ABCC1: variants seen among roughly 807,000 people sequenced by gnomAD.
The protein encoded by ABCC1 is multidrug resistance-associated protein 1.
In ABCC1, 83 loss-of-function variants were observed where a neutral mutation model predicts 172.9. That is an observed-to-expected ratio of 0.48 (90% CI 0.40 to 0.58). The LOEUF (loss-of-function observed/expected upper bound fraction) is 0.58, where lower values mean the gene tolerates loss of function less well. Among genes scored for constraint, ABCC1 ranks in the 20% least tolerant of loss-of-function variants. The pLI, the probability that ABCC1 is intolerant of heterozygous loss-of-function variation, is 0.00. For missense variants in ABCC1, 1,817 were observed against 2,002.7 expected (o/e 0.91, Z 1.77); for synonymous variants, 937 against 825.2 (o/e 1.14, Z -2.32).
At chr16:16,110,146 C>T (rs2052324893) in intron 21 of ABCC1, among the ~76,000 whole-genome samples, 1 of 151,692 alleles carries the variant, frequency 6.6e-6, no homozygotes, top group African/African-American at 2.4e-5. Flanking sequence ...CCCTCTGTCA[C>T]CCAGGCTGGT....
intron 5 of ABCC1, among the ~76,000 whole-genome samples, chr16:16,022,940 C>A (rs1269192666): frequency 6.6e-6 from 1 of 152,186 alleles, no homozygotes; most frequent in East Asian, 1.9e-4. Flanking sequence ...GAGATAGGGT[C>A]TCACTCTGTC....
At chr16:16,140,321 T>C (rs2046080012) in intron 30 of ABCC1, among the ~76,000 whole-genome samples, 1 of 152,154 alleles carries the variant, frequency 6.6e-6, no homozygotes, top group Non-Finnish European at 1.5e-5. Context: ...TGGAAGGTTT[T>C]AAGCAGGGAA....
rs563093652 is a variant in ABCC1, at chr16:16,009,842, C to T, written c.292C>T (p.Arg98Trp). The change falls in exon 3 of 31, where the codon CGG (arginine) becomes TGG (tryptophan). Residue 98 changes from arginine to tryptophan, a missense_variant. Around this residue, in one of 3 missense-constraint regions of ABCC1, gnomAD observed 398 missense variants for 384.2 expected, o/e 1.04. Transcript: ENST00000399410. ...DLFYSFWERSRGIFLAPVFLV... is the reference protein window; with the variant it reads ...DLFYSFWERSWGIFLAPVFLV... ...CTTCTACTCTTTCTGGGAAAGAAGT[C>T]GGGGCATATTCCTGGCCCCAGTGTT... The T allele has an allele frequency of 6.5e-5, 104 of 1,611,788 alleles. No homozygotes were observed. The highest frequency in any genetic ancestry group is 1.7e-4 in the Middle Eastern group (1 of 6,050).
intron 9 of ABCC1, among the ~76,000 whole-genome samples, chr16:16,047,190 C>A (rs1418259132): frequency 6.6e-6 from 1 of 152,004 alleles, no homozygotes; most frequent in Non-Finnish European, 1.5e-5. Context: ...AGAATGAGAC[C>A]CTGTCTGAAA....
At chr16:16,007,732 G>T in intron 1 of ABCC1, 84 bp from the exon 2 acceptor site, 1 of 1,367,408 alleles carries the variant, frequency 7.3e-7, no homozygotes, top group East Asian at 2.4e-5. Context: ...TTCAAACCCC[G>T]TGGCAGCTGG....
chr16:15,957,741 C>T lies in ABCC1; in HGVS notation c.48+7942C>T, dbSNP rs1473343112. ...CCCAGTAGCTGGGACTACAGGGGCA[C>T]GCCACCACATCCAGCTAATTTTTGT... is the stretch of plus-strand genomic sequence containing the variant. On this transcript the variant is annotated intron_variant, in intron 1 of 30. Coordinates refer to ENST00000399410, the MANE Select transcript of ABCC1 (RefSeq NM_004996.4). 5.9e-5 allele frequency among the ~76,000 whole-genome samples: 9 copies of T among 152,138 alleles called. No individual in the cohort carries two copies. The South Asian group carries it at 6.2e-4, about 10-fold the overall frequency.
At chr16:15,971,867 C>A (rs555370812) in intron 1 of ABCC1, among the ~76,000 whole-genome samples, 23 of 152,068 alleles carry the variant, frequency 1.5e-4, no homozygotes, top group Admixed American at 4.6e-4. Flanking sequence ...CACAGACACA[C>A]GTGGAGTGGT....
chr16:16,110,472 C>T (rs1413645331), intron 21 of ABCC1, among the ~76,000 whole-genome samples: 1 of 151,898 alleles, frequency 6.6e-6, no homozygotes, highest in Admixed American at 6.6e-5. Flanking sequence ...TCACTGTAAC[C>T]TCCGCCTACT....
intron 21 of ABCC1, among the ~76,000 whole-genome samples, chr16:16,109,657 G>T (rs1037878048): frequency 1.3e-5 from 2 of 152,170 alleles, no homozygotes; most frequent in Non-Finnish European, 2.9e-5. Flanking sequence ...TTAGCCCCAT[G>T]CTGGGCTCCA....
intron 2 of ABCC1, among the ~76,000 whole-genome samples, chr16:16,008,753 G>A (rs1447465870): frequency 6.7e-6 from 1 of 150,258 alleles, no homozygotes; most frequent in East Asian, 2.0e-4. Flanking sequence ...TGAGGTGGGA[G>A]GATCCCTTGA....
intron 6 of ABCC1, among the ~76,000 whole-genome samples, chr16:16,033,669 C>T (rs1035591768): frequency 6.6e-6 from 1 of 151,720 alleles, no homozygotes; most frequent in Non-Finnish European, 1.5e-5. Flanking sequence ...TTTTTTGAGA[C>T]GGAGTCTTAC....
chr16:16,141,401 C>A lies in ABCC1; in HGVS notation c.*120C>A. ...TGAAACCAAAACATAAAAACCAAAC[C>A]CAGACAACCAAAACATATTCAAAGC... On this transcript the variant is annotated 3_prime_UTR_variant, in exon 31 of 31. Coordinates refer to ENST00000399410, the MANE Select transcript of ABCC1 (RefSeq NM_004996.4). 1 of 864,856 alleles carries A rather than the reference C, an allele frequency of 1.2e-6. No individual in the cohort carries two copies. The highest frequency in any genetic ancestry group is 1.8e-6 in the Non-Finnish European group (1 of 554,726). The allele number at this position is 864,856 out of a possible 1,614,324, so 53.6% of individuals were successfully genotyped here.
chr16:16,076,035 C>T (rs985107157), intron 14 of ABCC1: 3 of 466,186 alleles, frequency 6.4e-6, no homozygotes, highest in Non-Finnish European at 1.1e-5. Context: ...CTCATGCGGC[C>T]CCCGCCTCTG....
At chr16:16,124,335 G>GTGTGTGTGTGTGTGTGTGTA (rs766911904) in intron 24 of ABCC1, among the ~76,000 whole-genome samples, 2,844 of 87,810 alleles carry the variant, frequency 0.032, 240 homozygotes, top group African/African-American at 0.046. Context: ...GTGTGTGTGT[G>GTGTGTGTGTGTGTGTGTGTA]TGTGTGTGTG....
chr16:16,102,501 T>C, intron 19 of ABCC1, 126 bp from the exon 20 acceptor site: 1 of 813,098 alleles, frequency 1.2e-6, no homozygotes, highest in Non-Finnish European at 2.0e-6. Flanking sequence ...GGTCTCCTAC[T>C]TTCTGATCAT....
chr16:16,093,159 A>G (rs1036948212), intron 19 of ABCC1, among the ~76,000 whole-genome samples: 1 of 150,128 alleles, frequency 6.7e-6, no homozygotes, highest in Non-Finnish European at 1.5e-5. Flanking sequence ...CCCTTTGTCT[A>G]TCTCTCAGCC....
intron 1 of ABCC1, among the ~76,000 whole-genome samples, chr16:15,973,843 G>A (rs999235403): frequency 4.6e-5 from 7 of 151,846 alleles, no homozygotes; most frequent in African/African-American, 1.5e-4. Context: ...AAATTAGCCC[G>A]GTATGATGGT....
At position 16,106,685 on chromosome 16, in the gene ABCC1, G is replaced by A. The variant is rs560180110; in HGVS notation, c.2736-53G>A. On this transcript the variant is annotated intron_variant, in intron 20 of 30. Coordinates refer to ENST00000399410, the MANE Select transcript of ABCC1 (RefSeq NM_004996.4). ...TAGCAGTCCCAGCAGGGAGCCCTCCGACCCTGCCCAAGGCATCTGTACGGT... is the reference window on the plus strand; with the variant it reads ...TAGCAGTCCCAGCAGGGAGCCCTCCAACCCTGCCCAAGGCATCTGTACGGT... The A allele has an allele frequency of 4.2e-5, 67 of 1,610,460 alleles. No individual in the cohort carries two copies. In the East Asian group the frequency reaches 8.5e-4, roughly 20 times the overall value.
At chr16:16,028,501 G>A (rs2048451664) in intron 5 of ABCC1, among the ~76,000 whole-genome samples, 1 of 152,072 alleles carries the variant, frequency 6.6e-6, no homozygotes, top group African/African-American at 2.4e-5. Flanking sequence ...CTTTCACAGT[G>A]GGTAGAGGGC....
Sources: allele counts gnomAD v4.1 joint callset (sites outside exome capture counted in the v4.1 genomes callset), GRCh38; gene constraint gnomAD v4.1.1; regional missense constraint gnomAD v4.1.1; transcripts MANE v1.5; gene names NCBI Gene and HGNC (gene_info 2026-07-23, HGNC 2026-07-21).